Variants in ANKFN1 observed in about 807,000 individuals in gnomAD.
ANKFN1 encodes the protein ankyrin repeat and fibronectin type-III domain-containing protein 1.
ANKFN1 carries 74 observed loss-of-function variants against 108.7 expected under a neutral mutation model. The observed-to-expected ratio is 0.68, with a 90% confidence interval of 0.56 to 0.83. ANKFN1 has a LOEUF of 0.83. ANKFN1 is among the 40% of genes least tolerant of loss of function. The pLI is 0.00. For missense variants in ANKFN1, 1,505 were observed against 1,382.3 expected (o/e 1.09, Z -1.41); for synonymous variants, 547 against 516.2 (o/e 1.06, Z -0.81).
intron 4 of ANKFN1, among the ~76,000 whole-genome samples, chr17:56,146,237 C>T (rs888756409): frequency 6.6e-6 from 1 of 152,202 alleles, no homozygotes; most frequent in Non-Finnish European, 1.5e-5. Context: ...TACAGGCCCC[C>T]TCTCAGCTGC....
At chr17:56,245,447 G>A (rs1917891993) in intron 3 of ANKFN1, among the ~76,000 whole-genome samples, 1 of 152,090 alleles carries the variant, frequency 6.6e-6, no homozygotes, top group African/African-American at 2.4e-5. Flanking sequence ...AGATGGTTCT[G>A]TAGTGTACTT....
intron 3 of ANKFN1, among the ~76,000 whole-genome samples, chr17:56,238,937 GA>G (rs1267190043): frequency 2.0e-5 from 3 of 152,068 alleles, no homozygotes; most frequent in Non-Finnish European, 2.9e-5. Flanking sequence ...ATATTAAGTT[GA>G]TTTTTTTTCT....
At chr17:56,303,406 G>A (rs777793973) in intron 3 of ANKFN1, among the ~76,000 whole-genome samples, 3 of 152,186 alleles carry the variant, frequency 2.0e-5, no homozygotes, top group African/African-American at 4.8e-5. Context: ...GGAGTAAATA[G>A]TATGTACAAA....
chr17:56,332,022 A>T (rs2045677174), intron 4 of ANKFN1, among the ~76,000 whole-genome samples: 4 of 152,112 alleles, frequency 2.6e-5, no homozygotes, highest in Admixed American at 2.6e-4. Flanking sequence ...GAAATTATCT[A>T]CTGGCTACTG....
intron 3 of ANKFN1, chr17:56,257,899 G>T (rs2043399154): frequency 6.6e-6 from 1 of 152,200 alleles, no homozygotes; most frequent in African/African-American, 2.4e-5. Flanking sequence ...CACCTTCTAA[G>T]AGCACGTTGT....
intron 4 of ANKFN1, among the ~76,000 whole-genome samples, chr17:56,092,290 G>A (rs1412038986): frequency 9.6e-6 from 1 of 103,666 alleles, no homozygotes; most frequent in Non-Finnish European, 1.6e-5. Context: ...TTTTTTTTGA[G>A]ATGGAGTCTT....
chr17:56,065,700 A>T (rs534126747), intron 4 of ANKFN1, among the ~76,000 whole-genome samples: 1 of 152,274 alleles, frequency 6.6e-6, no homozygotes, highest in South Asian at 2.1e-4. Flanking sequence ...GAACACACAC[A>T]TTTGCCATTT....
chr17:56,184,368 A>G (rs142621328), intron 1 of ANKFN1, among the ~76,000 whole-genome samples: 229 of 152,350 alleles, frequency 1.5e-3, no homozygotes, highest in African/African-American at 5.0e-3. Flanking sequence ...AGATGATTGT[A>G]TGCAATTTTA....
At chr17:56,330,808 G>T (rs1445452842) in intron 4 of ANKFN1, among the ~76,000 whole-genome samples, 1 of 152,146 alleles carries the variant, frequency 6.6e-6, no homozygotes, top group Non-Finnish European at 1.5e-5. Flanking sequence ...TTGAACTGTA[G>T]AATCAATACT....
At chr17:56,117,118 C>T (rs935083671) in intron 4 of ANKFN1, among the ~76,000 whole-genome samples, 8 of 152,030 alleles carry the variant, frequency 5.3e-5, no homozygotes, top group African/African-American at 1.9e-4. Flanking sequence ...TCTTGTCACC[C>T]CATGGTATTA....
Position 56,470,599 on chromosome 17 carries a change from C to A in ANKFN1, c.1773+4028C>A, listed in dbSNP as rs150939733. Among the ~76,000 whole-genome samples the A allele has an allele frequency of 2.1e-3, 319 of 152,222 alleles. 1 individual carries two copies. Among genetic ancestry groups the A allele is most frequent in the Non-Finnish European group, 3.6e-3 (247 of 68,018 alleles). ...TGGGGCATTTTTTCATGTTTTCTAC[C>A]TTTCCATCACAACTAAGGAAAAGCT... is the stretch of plus-strand genomic sequence containing the variant. On this transcript the variant is annotated intron_variant, in intron 15 of 20. Transcript: ENST00000682825.
intron 4 of ANKFN1, among the ~76,000 whole-genome samples, chr17:56,085,363 A>G (rs576091457): frequency 1.3e-5 from 2 of 150,736 alleles, no homozygotes; most frequent in Non-Finnish European, 3.0e-5. Context: ...AGGAGAGAAC[A>G]ACATAGGAAT....
rs77546420 is a variant in ANKFN1, at chr17:56,071,940, T to C, written c.288+25615T>C. ...TTGCTGATTGGTCATTCTGAGTGCATGTTCTGGGCCCTCCGGGCACAGCAA... is the reference window on the plus strand; with the variant it reads ...TTGCTGATTGGTCATTCTGAGTGCACGTTCTGGGCCCTCCGGGCACAGCAA... On this transcript the variant is annotated intron_variant, in intron 4 of 12. Coordinates refer to the ANKFN1 transcript ENST00000635860. 5.6e-3 allele frequency among the ~76,000 whole-genome samples: 854 copies of C among 152,392 alleles called. 11 individuals are homozygous for C. The highest frequency in any genetic ancestry group is 0.02 in the African/African-American group (823 of 41,598).
intron 6 of ANKFN1, among the ~76,000 whole-genome samples, chr17:56,361,636 A>G (rs978245919): frequency 6.6e-6 from 1 of 152,158 alleles, no homozygotes; most frequent in African/African-American, 2.4e-5. Context: ...GCAACTAAAA[A>G]TAGTAAATGT....
Position 56,511,107 on chromosome 17 carries a change from G to T in ANKFN1, c.3279G>T (p.Glu1093Asp). 1 of 1,535,996 alleles carries T rather than the reference G, an allele frequency of 6.5e-7. No individual in the cohort carries two copies. The part of the protein sequence containing the change: ...ARPSVRRLYV[E>D]PYAAAVVAQD... Reference sequence around the variant, plus strand: ...CTTCCGTCCGCCGCCTCTACGTGGAGCCCTACGCAGCGGCCGTGGTGGCCC... The same window carrying T: ...CTTCCGTCCGCCGCCTCTACGTGGATCCCTACGCAGCGGCCGTGGTGGCCC... The change falls in exon 21 of 21, where the codon GAG (glutamate) becomes GAT (aspartate). Residue 1093 changes from glutamate to aspartate, a missense_variant. Physicochemically the swap from Glu to Asp is conservative, Grantham distance 45. Transcript: ENST00000682825.
Position 56,073,997 on chromosome 17 carries a change from G to C in ANKFN1, c.288+27672G>C, listed in dbSNP as rs926874002. On this transcript the variant is annotated intron_variant, in intron 4 of 12. Coordinates refer to the ANKFN1 transcript ENST00000635860. ...TTGTTTCAGAGGTTGTTTTCAATTC[G>C]TTTGGGTATATACCTAGGAGTAGAA... Among the ~76,000 whole-genome samples the C allele has an allele frequency of 5.9e-5, 9 of 152,268 alleles. No individual in the cohort carries two copies. The East Asian group carries it at 9.7e-4, about 16-fold the overall frequency.
intron 4 of ANKFN1, among the ~76,000 whole-genome samples, chr17:56,094,885 G>A (rs542234743): frequency 2.7e-5 from 4 of 150,910 alleles, no homozygotes; most frequent in African/African-American, 9.7e-5. Flanking sequence ...GTGCACGTAA[G>A]CTATTCAGAA....
chr17:56,295,450 G>A (rs1023121635), intron 3 of ANKFN1, among the ~76,000 whole-genome samples: 1 of 152,114 alleles, frequency 6.6e-6, no homozygotes, highest in African/African-American at 2.4e-5. Context: ...AGCTGCTTGG[G>A]TCTCACCCAA....
At chr17:56,283,125 A>ACTCT (rs1313778726) in intron 3 of ANKFN1, among the ~76,000 whole-genome samples, 1 of 151,872 alleles carries the variant, frequency 6.6e-6, no homozygotes, top group Admixed American at 6.6e-5. Flanking sequence ...GCCTCCTCCC[A>ACTCT]CTCTCCATCC....
Sources: allele counts gnomAD v4.1 joint callset (sites outside exome capture counted in the v4.1 genomes callset), GRCh38; gene constraint gnomAD v4.1.1; transcripts MANE v1.5; gene names NCBI Gene and HGNC (gene_info 2026-07-23, HGNC 2026-07-21).